Variants in SNX29 observed in about 807,000 individuals in gnomAD.
SNX29 encodes sorting nexin-29.
SNX29 carries 78 observed loss-of-function variants against 102.1 expected under a neutral mutation model. The observed-to-expected ratio is 0.76, with a 90% CI of 0.64 to 0.92. The LOEUF (loss-of-function observed/expected upper bound fraction) is 0.92. SNX29 is among the 40% of genes least tolerant of loss of function. The probability of loss-of-function intolerance (pLI) is 0.00; values close to 1 mark genes in which losing one functional copy is unlikely to be tolerated. For missense variants in SNX29, 1,280 were observed against 1,061.7 expected, an observed-to-expected ratio of 1.21 and a Z score of -2.86; for synonymous variants, 580 against 414.5, an observed-to-expected ratio of 1.40 and a Z score of -4.85.
intron 18 of SNX29, among the ~76,000 whole-genome samples, chr16:12,412,225 C>T (rs1282442610): frequency 6.6e-6 from 1 of 152,192 alleles, no homozygotes; most frequent in African/African-American, 2.4e-5. Flanking sequence ...GGGGTAGGCA[C>T]TGTTTTCATG....
intron 3 of SNX29, among the ~76,000 whole-genome samples, chr16:12,005,002 G>A (rs1256931728): frequency 6.6e-6 from 1 of 152,170 alleles, no homozygotes. Context: ...GTAAAAATTT[G>A]TTATCCGGAT....
intron 13 of SNX29, among the ~76,000 whole-genome samples, chr16:12,191,522 A>G (rs2076642207): frequency 6.6e-6 from 1 of 152,134 alleles, no homozygotes; most frequent in Admixed American, 6.5e-5. Context: ...GGTAGCTACT[A>G]GCATCATTGT....
At chr16:12,289,583 C>T (rs997500264) in intron 15 of SNX29, among the ~76,000 whole-genome samples, 2 of 152,188 alleles carry the variant, frequency 1.3e-5, no homozygotes, top group Non-Finnish European at 2.9e-5. Context: ...TCTGCTGAAG[C>T]CTCATTTCCA....
At chr16:12,542,797 CAAGT>C (rs955461876) in intron 20 of SNX29, among the ~76,000 whole-genome samples, 3 of 151,010 alleles carry the variant, frequency 2.0e-5, no homozygotes, top group African/African-American at 7.3e-5. Context: ...GTTAAATCAG[CAAGT>C]AAGTGAAGTT....
At chr16:11,978,525 A>G (rs780367645) in intron 1 of SNX29, among the ~76,000 whole-genome samples, 4 of 152,214 alleles carry the variant, frequency 2.6e-5, no homozygotes, top group Non-Finnish European at 5.9e-5. Flanking sequence ...GTGCATTGTC[A>G]GAATCTCAGA....
intron 20 of SNX29, among the ~76,000 whole-genome samples, chr16:12,567,013 C>A (rs192070447): frequency 3.9e-4 from 59 of 152,342 alleles, no homozygotes; most frequent in African/African-American, 1.4e-3. Flanking sequence ...CAAAGTAGAT[C>A]ATTGTGAAGA....
At chr16:12,552,153 G>C (rs1567181344) in intron 20 of SNX29, among the ~76,000 whole-genome samples, 1 of 152,178 alleles carries the variant, frequency 6.6e-6, no homozygotes, top group Non-Finnish European at 1.5e-5. Context: ...TTCCAGTACA[G>C]CTTAATCTAC....
Position 12,572,477 on chromosome 16 carries a change from A to C in SNX29, c.*3848A>C, listed in dbSNP as rs2079208121. Reference sequence around the variant, plus strand: ...GTACATTTTGCCAACCCTGAGGACCAGTTCTTGGGGTTCCAGGCCTCGGCC... The same window carrying C: ...GTACATTTTGCCAACCCTGAGGACCCGTTCTTGGGGTTCCAGGCCTCGGCC... On this transcript the variant is annotated 3_prime_UTR_variant, in exon 21 of 21. Transcript: ENST00000566228. 2 of 1,063,542 alleles carry C rather than the reference A, an allele frequency of 1.9e-6. No individual in the cohort carries two copies. The highest frequency in any genetic ancestry group is 4.6e-5 in the South Asian group (1 of 21,976). The allele number at this position is 1,063,542 out of a possible 1,614,324, so 65.9% of individuals were successfully genotyped here.
At chr16:12,550,542 A>AAAACC (rs1555454162) in intron 20 of SNX29, among the ~76,000 whole-genome samples, 43 of 152,208 alleles carry the variant, frequency 2.8e-4, no homozygotes, top group Non-Finnish European at 4.4e-4. Context: ...AAAAAAAAAA[A>AAAACC]AAAAACCAAA....
chr16:12,315,575 G>A (rs781281475), intron 15 of SNX29, among the ~76,000 whole-genome samples: 5 of 152,122 alleles, frequency 3.3e-5, no homozygotes, highest in African/African-American at 7.2e-5. Context: ...GCCTGTGTGC[G>A]TGCAGAGATG....
At chr16:12,483,666 A>G (rs1170064238) in intron 19 of SNX29, among the ~76,000 whole-genome samples, 1 of 152,144 alleles carries the variant, frequency 6.6e-6, no homozygotes, top group Non-Finnish European at 1.5e-5. Context: ...CAAGGTAACA[A>G]TTCCAAGATC....
chr16:12,155,412 C>G (rs185181284), intron 13 of SNX29, among the ~76,000 whole-genome samples: 40 of 152,232 alleles, frequency 2.6e-4, no homozygotes, highest in Admixed American at 6.5e-4. Flanking sequence ...TTCTTGAGAG[C>G]ACGGGGATGA....
intron 19 of SNX29, among the ~76,000 whole-genome samples, chr16:12,497,684 G>C (rs2088899673): frequency 6.6e-6 from 1 of 152,118 alleles, no homozygotes; most frequent in Admixed American, 6.5e-5. Flanking sequence ...TTCTCTGCCT[G>C]CTTTTTCTCA....
chr16:12,540,716 G>T (rs372435852), intron 20 of SNX29, among the ~76,000 whole-genome samples: 1 of 152,198 alleles, frequency 6.6e-6, no homozygotes, highest in African/African-American at 2.4e-5. Flanking sequence ...AGACGCTCCA[G>T]GGATGAAGAG....
chr16:12,413,379 A>T (rs1186089830), intron 18 of SNX29, among the ~76,000 whole-genome samples: 1 of 151,946 alleles, frequency 6.6e-6, no homozygotes, highest in South Asian at 2.1e-4. Context: ...CAGGTGGCAG[A>T]GGGTGGGGTA....
At chr16:12,546,706 G>A (rs188037159) in intron 20 of SNX29, 74 of 152,304 alleles carry the variant, frequency 4.9e-4, no homozygotes, top group African/African-American at 1.7e-3. Flanking sequence ...TGTGATTAAA[G>A]CTATTATTTT....
intron 11 of SNX29, among the ~76,000 whole-genome samples, chr16:12,112,874 T>G (rs1357344039): frequency 6.6e-6 from 1 of 152,226 alleles, no homozygotes; most frequent in Non-Finnish European, 1.5e-5. Flanking sequence ...GAGGATGGAA[T>G]GGAGAATATT....
chr16:12,327,050 G>C (rs1441373078), intron 15 of SNX29, among the ~76,000 whole-genome samples: 3 of 152,144 alleles, frequency 2.0e-5, no homozygotes, highest in Non-Finnish European at 4.4e-5. Flanking sequence ...GAGAATCGGA[G>C]GTGTCATCCT....
chr16:12,163,229 A>G (rs1356792879), intron 13 of SNX29, among the ~76,000 whole-genome samples: 2 of 152,190 alleles, frequency 1.3e-5, no homozygotes, highest in Admixed American at 1.3e-4. Context: ...CGGAGCCCCC[A>G]GGGTGAATTG....
Sources: allele counts gnomAD v4.1 joint callset (sites outside exome capture counted in the v4.1 genomes callset), GRCh38; gene constraint gnomAD v4.1.1; transcripts MANE v1.5; gene names NCBI Gene and HGNC (gene_info 2026-07-23, HGNC 2026-07-21).